ABCC3: variants seen among roughly 807,000 people sequenced by gnomAD.
ABCC3 encodes the protein ATP-binding cassette sub-family C member 3.
ABCC3 carries 121 observed loss-of-function variants against 165.3 expected under a neutral mutation model. The observed-to-expected ratio is 0.73, with a 90% CI of 0.63 to 0.85. The LOEUF is 0.85. ABCC3 is among the 40% of genes least tolerant of loss of function. The pLI is 0.00. For synonymous variants in ABCC3, 733 were observed against 810.1 expected (o/e 0.90, Z 1.62); for missense variants, 1,869 against 1,964.1 (o/e 0.95, Z 0.92).
chr17:50,635,069 G>A, intron 1 of ABCC3, 88 bp downstream of exon 1: 4 of 1,220,102 alleles, frequency 3.3e-6, no homozygotes, highest in Non-Finnish European at 2.1e-6. Flanking sequence ...CCGCGGGGCC[G>A]GCAGGTATCC....
intron 19 of ABCC3, among the ~76,000 whole-genome samples, chr17:50,673,981 T>TTTCCTTC (rs1567835559): frequency 1.2e-3 from 4 of 3,316 alleles, no homozygotes; most frequent in Non-Finnish European, 2.4e-3. Flanking sequence ...TCTTTCTTTC[T>TTTCCTTC]CTCTCTCTCT....
intron 1 of ABCC3, among the ~76,000 whole-genome samples, chr17:50,648,962 A>G (rs1053149458): frequency 6.6e-6 from 1 of 152,042 alleles, no homozygotes; most frequent in African/African-American, 2.4e-5. Context: ...AAATACAAAA[A>G]TTAGCTGGGC....
chr17:50,673,010 C>G lies in ABCC3; in HGVS notation c.2281C>G (p.Leu761Val), dbSNP rs749148541. 2 of 1,614,140 alleles carry G rather than the reference C, an allele frequency of 1.2e-6. No individual in the cohort carries two copies. The highest frequency in any genetic ancestry group is 2.2e-5 in the South Asian group (2 of 91,072). The change falls in exon 18 of 31, where the codon CTG becomes GTG. Residue 761 changes from leucine (L) to valine (V), a missense_variant. Transcript: ENST00000285238. ...LSGGQRQRVS[L>V]ARAVYSDADI... Reference sequence around the variant, plus strand: ...TGGGGGCCAGCGGCAGCGGGTCAGTCTGGCTCGAGCTGTTTACAGTGATGC... The same window carrying G: ...TGGGGGCCAGCGGCAGCGGGTCAGTGTGGCTCGAGCTGTTTACAGTGATGC...
At chr17:50,673,237 G>A in intron 18 of ABCC3, 99 bp downstream of exon 18, 1 of 1,474,182 alleles carries the variant, frequency 6.8e-7, no homozygotes, top group Non-Finnish European at 9.2e-7. Context: ...TTGGAGGTGT[G>A]GGGGGCGCAA....
At chr17:50,683,158 A>T (rs1463657109) in intron 26 of ABCC3, among the ~76,000 whole-genome samples, 1 of 151,980 alleles carries the variant, frequency 6.6e-6, no homozygotes, top group Admixed American at 6.6e-5. Flanking sequence ...GCATTGAGCT[A>T]TGATTGCACC....
At chr17:50,658,252 C>T in intron 5 of ABCC3, 45 bp downstream of exon 5, 3 of 1,613,736 alleles carry the variant, frequency 1.9e-6, no homozygotes, top group Non-Finnish European at 2.5e-6. Context: ...GCTGAGTCCT[C>T]AGCCCAACTC....
intron 1 of ABCC3, chr17:50,635,667 G>A (rs1436971864): frequency 1.4e-6 from 1 of 692,068 alleles, no homozygotes; most frequent in Non-Finnish European, 2.6e-6. Context: ...GAGGCCCAGA[G>A]AGAGGAAGGG....
intron 1 of ABCC3, among the ~76,000 whole-genome samples, chr17:50,653,444 C>A (rs182544253): frequency 7.8e-4 from 118 of 151,606 alleles, no homozygotes; most frequent in African/African-American, 2.2e-3. Context: ...ATGAATTCAG[C>A]AGCATGCTAA....
intron 1 of ABCC3, among the ~76,000 whole-genome samples, chr17:50,645,902 T>A (rs1378509497): frequency 6.6e-6 from 1 of 152,238 alleles, no homozygotes; most frequent in Non-Finnish European, 1.5e-5. Context: ...AATATTTGAT[T>A]TATTTAAGCA....
chr17:50,683,814 C>A, intron 27 of ABCC3, 58 bp downstream of exon 27: 2 of 1,571,202 alleles, frequency 1.3e-6, no homozygotes, highest in Non-Finnish European at 1.7e-6. Context: ...ATGGCCACAG[C>A]CCTTGTGGGG....
intron 18 of ABCC3, 81 bp from the exon 19 acceptor site, chr17:50,673,388 A>T: frequency 6.5e-7 from 1 of 1,529,262 alleles, no homozygotes; most frequent in East Asian, 2.3e-5. Flanking sequence ...GGCACACTTC[A>T]CACTCACTCT....
chr17:50,639,284 T>C (rs2054205822), intron 1 of ABCC3, among the ~76,000 whole-genome samples: 1 of 152,180 alleles, frequency 6.6e-6, no homozygotes, highest in African/African-American at 2.4e-5. Flanking sequence ...GGCTTCTGGC[T>C]ACGGCATTTC....
At position 50,692,007 on chromosome 17, in the gene ABCC3, G is replaced by A. The variant is rs919100592; in HGVS notation, c.*807G>A. 2 of 152,254 alleles carry A rather than the reference G, an allele frequency of 1.3e-5. No individual in the cohort carries two copies. The highest frequency in any genetic ancestry group is 2.9e-5 in the Non-Finnish European group (2 of 68,062). The allele number at this position is 152,254 out of a possible 1,614,324, so 9.4% of individuals were successfully genotyped here. On this transcript the variant is annotated 3_prime_UTR_variant, in exon 31 of 31. Coordinates refer to ENST00000285238, the MANE Select transcript of ABCC3 (RefSeq NM_003786.4). ...TGTCATCCCTCAGCCCTCTATGCCT[G>A]TTTCTCTAGGGACTGAGAAGTGCAT... is the stretch of plus-strand genomic sequence containing the variant.
At chr17:50,645,711 C>T (rs2146592938) in intron 1 of ABCC3, among the ~76,000 whole-genome samples, 1 of 152,196 alleles carries the variant, frequency 6.6e-6, no homozygotes, top group South Asian at 2.1e-4. Flanking sequence ...AGAGATCCTC[C>T]CGCCTTAGCC....
At chr17:50,651,066 G>GGAAAAAA (rs377148373) in intron 1 of ABCC3, among the ~76,000 whole-genome samples, 2 of 84,286 alleles carry the variant, frequency 2.4e-5, no homozygotes, top group African/African-American at 1.0e-4. Flanking sequence ...CTCCATCTCA[G>GGAAAAAA]AAAAAAAAAA....
At chr17:50,644,310 C>CA (rs57937379) in intron 1 of ABCC3, among the ~76,000 whole-genome samples, 1,155 of 51,120 alleles carry the variant, frequency 0.023, 58 homozygotes, top group African/African-American at 0.034. Context: ...GACTCCGTCT[C>CA]AAAAAAAAAA....
intron 17 of ABCC3, among the ~76,000 whole-genome samples, chr17:50,672,017 C>A (rs957793840): frequency 1.3e-5 from 2 of 151,958 alleles, no homozygotes; most frequent in Admixed American, 1.3e-4. Flanking sequence ...CCACCACGCG[C>A]GACCTCAGGT....
chr17:50,681,785 G>A (rs556545852), intron 26 of ABCC3, among the ~76,000 whole-genome samples: 1 of 152,096 alleles, frequency 6.6e-6, no homozygotes, highest in East Asian at 1.9e-4. Flanking sequence ...TCTTAGCAAC[G>A]TCCCAATAAA....
Position 50,675,700 on chromosome 17 carries a change from AT to A in ABCC3, c.2785del (p.Ser929GlnfsTer6). 1 of 1,570,400 alleles carries A rather than the reference AT, an allele frequency of 6.4e-7. No homozygotes were observed. The highest frequency in any genetic ancestry group is 8.6e-7 in the Non-Finnish European group (1 of 1,157,672). On this transcript the variant is annotated frameshift_variant, in exon 21 of 31. Transcript: ENST00000285238. LOFTEE classifies it high-confidence loss of function. The stretch of plus-strand genomic sequence containing the variant: ...CTGTACCCCGGAGGCACCTGGGTCC[AT>A]CAGAGAAGGTGCAGGTGACAGAGGC... ...RPVPRRHLGP[S>X]EKVQVTEAKA...
Sources: gnomAD v4.1 joint callset for allele counts (sites outside exome capture counted in the v4.1 genomes callset) on GRCh38, gnomAD v4.1.1 for gene constraint, MANE v1.5 for transcripts, NCBI Gene and HGNC (gene_info 2026-07-23, HGNC 2026-07-21) for gene names.